DPYS: variants seen among roughly 807,000 people sequenced by gnomAD.
DPYS encodes dihydropyrimidine amidohydrolase.
Under a neutral mutation model 50.3 loss-of-function variants are expected in DPYS, and 39 were observed. The observed-to-expected ratio is 0.78, with a 90% CI of 0.60 to 1.01. DPYS has a LOEUF of 1.01. Ranked by LOEUF, DPYS falls within the 50% of genes least tolerant of loss-of-function variation. The pLI is 0.00. For synonymous variants in DPYS, 245 were observed against 250.7 expected (o/e 0.98, Z 0.22); for missense variants, 659 against 680.9 (o/e 0.97, Z 0.36).
At chr8:104,446,152 TG>T in intron 3 of DPYS, among the ~76,000 whole-genome samples, 1 of 152,300 alleles carries the variant, frequency 6.6e-6, no homozygotes. Context: ...CTTGAGGGGA[TG>T]GATACCCAAT....
chr8:104,397,406 T>C (rs1811631448), intron 7 of DPYS, among the ~76,000 whole-genome samples: 1 of 152,196 alleles, frequency 6.6e-6, no homozygotes, highest in African/African-American at 2.4e-5. Flanking sequence ...AAAGATTGCA[T>C]GATTGTCCTC....
At chr8:104,405,830 G>C (rs980010576) in intron 7 of DPYS, among the ~76,000 whole-genome samples, 20 of 152,230 alleles carry the variant, frequency 1.3e-4, no homozygotes, top group Admixed American at 2.6e-4. Context: ...CATGCTGGAG[G>C]GGGTGGAGGG....
At chr8:104,464,585 A>G (rs928896613) in intron 1 of DPYS, among the ~76,000 whole-genome samples, 1 of 152,258 alleles carries the variant, frequency 6.6e-6, no homozygotes, top group Non-Finnish European at 1.5e-5. Flanking sequence ...TTTGTTAATG[A>G]TAAGTCTGTA....
chr8:104,412,291 G>C (rs537222249), intron 7 of DPYS, among the ~76,000 whole-genome samples: 1 of 152,342 alleles, frequency 6.6e-6, no homozygotes, highest in East Asian at 1.9e-4. Flanking sequence ...CTGGAGCACA[G>C]AAAGAAAGCA....
At chr8:104,424,541 G>A in intron 6 of DPYS, 152 bp from the exon 7 acceptor site, 1 of 813,098 alleles carries the variant, frequency 1.2e-6, no homozygotes, top group Non-Finnish European at 1.9e-6. Context: ...GTATTAAACA[G>A]TCATAATGCC....
chr8:104,419,598 CTT>C (rs1423420886), intron 7 of DPYS: 2 of 152,234 alleles, frequency 1.3e-5, no homozygotes, highest in Non-Finnish European at 2.9e-5. Context: ...CACCGTATGT[CTT>C]TTGATGAAAA....
chr8:104,385,570 G>A (rs544688053), intron 8 of DPYS, among the ~76,000 whole-genome samples: 2 of 152,254 alleles, frequency 1.3e-5, no homozygotes, highest in South Asian at 4.2e-4. Context: ...AATGGCTTGA[G>A]GGTAAAACCA....
chr8:104,407,817 T>C (rs144959269), intron 7 of DPYS, among the ~76,000 whole-genome samples: 37 of 152,362 alleles, frequency 2.4e-4, no homozygotes, highest in African/African-American at 8.4e-4. Context: ...ATATACTAAC[T>C]AGGCTTAAAA....
At chr8:104,382,282 G>A (rs1811078175) in intron 8 of DPYS, among the ~76,000 whole-genome samples, 1 of 151,492 alleles carries the variant, frequency 6.6e-6, no homozygotes, top group Non-Finnish European at 1.5e-5. Context: ...CAGGAAATGG[G>A]GGGACTCCTG....
rs1810967109 is a variant in DPYS at position 104,379,684 on chromosome 8, G to A, written c.*174C>T. 2.4e-6 allele frequency: 1 copy of A among 412,476 alleles called. No individual in the cohort carries two copies. Among genetic ancestry groups the A allele is most frequent in the African/African-American group, 2.1e-5 (1 of 48,182 alleles). 25.6% of individuals were successfully genotyped at this position (412,476 alleles called of 1,614,324 possible). A position where few individuals can be genotyped will look rare whatever the true frequency, so the allele number is the denominator to read the frequency against. On this transcript the variant is annotated 3_prime_UTR_variant, in exon 10 of 10. Coordinates refer to ENST00000351513, the MANE Select transcript of DPYS (RefSeq NM_001385.3). ...TCTTATGCAGCAACAAAAACACAGT[G>A]AGAAAGACAGCAATTGCTTCTGAAA...
chr8:104,392,994 A>G lies in DPYS; in HGVS notation c.1236-3T>C, dbSNP rs762933558. Reference sequence around the variant, plus strand: ...GATGAGTTTTTGCTGAGATAGTCCTATATTTGTGAAAACAACAAAAAAGTT... The same window carrying G: ...GATGAGTTTTTGCTGAGATAGTCCTGTATTTGTGAAAACAACAAAAAAGTT... On this transcript the variant is annotated splice_polypyrimidine_tract_variant and splice_region_variant and intron_variant, in intron 7 of 9. Coordinates refer to ENST00000351513, the MANE Select transcript of DPYS (RefSeq NM_001385.3). 2.5e-6 allele frequency: 4 copies of G among 1,613,936 alleles called. No individual in the cohort carries two copies. The African/African-American group carries it at 4.0e-5, about 16-fold the overall frequency.
Position 104,379,727 on chromosome 8 carries a change from A to G in DPYS, c.*131T>C, listed in dbSNP as rs1370306522. 1 of 455,182 alleles carries G rather than the reference A, an allele frequency of 2.2e-6. No individual in the cohort carries two copies. Among genetic ancestry groups the G allele is most frequent in the East Asian group, 7.0e-5 (1 of 14,372 alleles). The allele number at this position is 455,182 out of a possible 1,614,324, so 28.2% of individuals were successfully genotyped here. ...TTCTGAAAGAAAATCAAAGAAGCCT[A>G]TAGTGGTGAATTTTTTCTAAAGGAT... On this transcript the variant is annotated 3_prime_UTR_variant, in exon 10 of 10. Coordinates refer to ENST00000351513, the MANE Select transcript of DPYS (RefSeq NM_001385.3).
chr8:104,395,211 A>C (rs993677745), intron 7 of DPYS, among the ~76,000 whole-genome samples: 3 of 152,100 alleles, frequency 2.0e-5, no homozygotes, highest in African/African-American at 7.2e-5. Context: ...GTCACCCAGG[A>C]TGGTCTCAAA....
In DPYS at chr8:104,444,343, G is replaced by T; in HGVS notation, c.698C>A (p.Ala233Asp). 6.2e-7 allele frequency: 1 copy of T among 1,614,250 alleles called. No homozygotes were observed. The highest frequency in any genetic ancestry group is 8.5e-7 in the Non-Finnish European group (1 of 1,180,040). ...GTTCACAGCGCTGGCTATGGTGATG[G>T]CTCTCAGCGTGGCCTCTGCCTCCAC... ...EAVEAEATLRAITIASAVNCP... is the reference protein window; with the variant it reads ...EAVEAEATLRDITIASAVNCP... Residue 233 changes from alanine (A) to aspartate (D), a missense_variant, in exon 4 of 10, where the codon GCC becomes GAC. Ala to Asp is a moderately radical substitution (Grantham distance 126, BLOSUM62 -2). Transcript: ENST00000351513.
chr8:104,459,240 T>G (rs763103567), intron 1 of DPYS, among the ~76,000 whole-genome samples: 1 of 152,228 alleles, frequency 6.6e-6, no homozygotes, highest in Non-Finnish European at 1.5e-5. Flanking sequence ...GCCACTGTGA[T>G]TGATGACTCA....
At chr8:104,428,196 C>A in intron 5 of DPYS, 75 bp from the exon 6 acceptor site, 1 of 1,589,602 alleles carries the variant, frequency 6.3e-7, no homozygotes, top group Non-Finnish European at 8.6e-7. Context: ...ATAACCTTTC[C>A]TAATCTCCTG....
intron 7 of DPYS, among the ~76,000 whole-genome samples, chr8:104,396,686 T>C (rs1327205828): frequency 6.6e-6 from 1 of 152,210 alleles, no homozygotes; most frequent in Non-Finnish European, 1.5e-5. Context: ...AAAGTAGCTT[T>C]TTTTGTGGCT....
At chr8:104,380,281 G>A (rs567893566) in intron 9 of DPYS, among the ~76,000 whole-genome samples, 1 of 152,316 alleles carries the variant, frequency 6.6e-6, no homozygotes, top group East Asian at 1.9e-4. Context: ...AAACCAGACC[G>A]TTGTCAAACT....
chr8:104,443,594 C>G (rs1813424196), intron 4 of DPYS, among the ~76,000 whole-genome samples: 2 of 152,036 alleles, frequency 1.3e-5, no homozygotes, highest in South Asian at 4.2e-4. Context: ...GAAGCTTCTT[C>G]AAAATTAACG....
Sources: gnomAD v4.1 joint callset for allele counts (sites outside exome capture counted in the v4.1 genomes callset) on GRCh38, gnomAD v4.1.1 for gene constraint, MANE v1.5 for transcripts, NCBI Gene and HGNC (gene_info 2026-07-23, HGNC 2026-07-21) for gene names.